Variants in HLCS observed in about 807,000 individuals in gnomAD.
HLCS encodes holocarboxylase synthetase, also known as biotin--protein ligase.
Under a neutral mutation model 75.0 loss-of-function variants are expected in HLCS, and 53 were observed. That is an observed-to-expected ratio of 0.71 (90% CI 0.57 to 0.89). The LOEUF (loss-of-function observed/expected upper bound fraction) is 0.89, where lower values mean the gene tolerates loss of function less well. HLCS is among the 40% of genes least tolerant of loss of function. HLCS has a pLI of 0.00. For missense variants in HLCS, 966 were observed against 1,074.0 expected (o/e 0.90, Z 1.41); for synonymous variants, 431 against 428.6 (o/e 1.01, Z -0.07).
intron 6 of HLCS, among the ~76,000 whole-genome samples, chr21:36,844,638 G>A (rs892203230): frequency 4.6e-5 from 7 of 151,686 alleles, no homozygotes; most frequent in Middle Eastern, 6.5e-3. Flanking sequence ...TGTCACTCAC[G>A]GTCAGTGATT....
chr21:36,989,941 G>T (rs888239346), intron 1 of HLCS, among the ~76,000 whole-genome samples: 3 of 152,050 alleles, frequency 2.0e-5, no homozygotes, highest in South Asian at 2.1e-4. Flanking sequence ...GCTGCCCTGG[G>T]CCGCGAGGTC....
intron 6 of HLCS, among the ~76,000 whole-genome samples, chr21:36,812,154 T>A (rs1382551119): frequency 6.6e-6 from 1 of 152,114 alleles, no homozygotes; most frequent in Non-Finnish European, 1.5e-5. Context: ...GCGAGAGGCT[T>A]GAGGTGTGTG....
intron 1 of HLCS, 49 bp from the exon 2 acceptor site, chr21:36,962,219 C>G: frequency 8.1e-7 from 1 of 1,239,978 alleles, no homozygotes; most frequent in Non-Finnish European, 1.1e-6. Flanking sequence ...CATACCACAA[C>G]TGCCATAAAT....
intron 5 of HLCS, among the ~76,000 whole-genome samples, chr21:36,903,262 A>C (rs754521475): frequency 6.6e-6 from 1 of 152,152 alleles, no homozygotes; most frequent in Non-Finnish European, 1.5e-5. Flanking sequence ...TATATACTCT[A>C]TTGGAAGAAG....
In HLCS at chr21:36,983,674, A is replaced by G. The variant is rs182233816; in HGVS notation, c.-393+6484T>C. On this transcript the variant is annotated intron_variant, in intron 1 of 11. Coordinates refer to the HLCS transcript ENST00000336648. ...AACATGGTGAAACCCAGTCTCTACT[A>G]AAAATACAAAAAATTAGCCCGGCGT... Among the ~76,000 whole-genome samples, 178 of 151,644 alleles carry G rather than the reference A, an allele frequency of 1.2e-3. 2 individuals are homozygous for G. Among genetic ancestry groups the G allele is most frequent in the African/African-American group, 4.0e-3 (167 of 41,406 alleles).
chr21:36,963,228 A>T (rs1362494585), intron 1 of HLCS, among the ~76,000 whole-genome samples: 1 of 152,218 alleles, frequency 6.6e-6, no homozygotes, highest in Non-Finnish European at 1.5e-5. Context: ...CAGCAAATTG[A>T]TTTGAAAAGG....
intron 10 of HLCS, among the ~76,000 whole-genome samples, chr21:36,755,203 C>T (rs1300659178): frequency 6.6e-6 from 1 of 151,942 alleles, no homozygotes; most frequent in Non-Finnish European, 1.5e-5. Flanking sequence ...TCAAGACCAG[C>T]CTGGGCAATA....
At chr21:36,856,190 C>T (rs1381450118) in intron 6 of HLCS, among the ~76,000 whole-genome samples, 1 of 151,984 alleles carries the variant, frequency 6.6e-6, no homozygotes, top group Non-Finnish European at 1.5e-5. Context: ...TAAAAACCAC[C>T]GAATTAATTG....
At chr21:36,960,009 C>T (rs973330912) in intron 2 of HLCS, among the ~76,000 whole-genome samples, 17 of 152,226 alleles carry the variant, frequency 1.1e-4, no homozygotes, top group African/African-American at 3.6e-4. Context: ...TGGGGCTCTG[C>T]GGTTCCCAGC....
chr21:36,787,876 G>A (rs1226591595), intron 6 of HLCS, among the ~76,000 whole-genome samples: 1 of 152,144 alleles, frequency 6.6e-6, no homozygotes, highest in Non-Finnish European at 1.5e-5. Context: ...TGATAAAATA[G>A]CCAGGTCACC....
At chr21:36,898,693 T>C (rs534538405) in intron 5 of HLCS, among the ~76,000 whole-genome samples, 20 of 152,132 alleles carry the variant, frequency 1.3e-4, no homozygotes, top group Admixed American at 1.1e-3. Flanking sequence ...AAAGGACAAT[T>C]AGGAAATCTG....
At chr21:36,890,456 G>A (rs1388779838) in intron 6 of HLCS, among the ~76,000 whole-genome samples, 1 of 152,110 alleles carries the variant, frequency 6.6e-6, no homozygotes, top group Non-Finnish European at 1.5e-5. Flanking sequence ...TTTTACTCTG[G>A]GGGTGGAGGG....
intron 4 of HLCS, among the ~76,000 whole-genome samples, chr21:36,935,328 T>A (rs1394441997): frequency 1.3e-5 from 2 of 152,238 alleles, no homozygotes; most frequent in Non-Finnish European, 2.9e-5. Context: ...CCAAATTCCT[T>A]AATTTTAAGC....
chr21:36,923,472 G>A (rs115031138), intron 5 of HLCS, among the ~76,000 whole-genome samples: 2,377 of 152,226 alleles, frequency 0.016, 57 homozygotes, highest in African/African-American at 0.053. Flanking sequence ...ATGTTCCCTC[G>A]GCCTCAGAGA....
chr21:36,903,426 G>A (rs1390995219), intron 5 of HLCS, among the ~76,000 whole-genome samples: 7 of 152,160 alleles, frequency 4.6e-5, no homozygotes, highest in African/African-American at 1.7e-4. Context: ...AGGGCAGCTG[G>A]ATGTCACCAG....
intron 6 of HLCS, among the ~76,000 whole-genome samples, chr21:36,887,275 T>C (rs2064511806): frequency 1.3e-5 from 2 of 152,200 alleles, no homozygotes; most frequent in East Asian, 3.8e-4. Flanking sequence ...TGCCACTTTG[T>C]TACTGCACCC....
At chr21:36,796,292 T>A (rs1465352915) in intron 6 of HLCS, among the ~76,000 whole-genome samples, 6 of 152,166 alleles carry the variant, frequency 3.9e-5, no homozygotes, top group Non-Finnish European at 5.9e-5. Context: ...TGGTTTAACA[T>A]CAGAAAAATG....
intron 6 of HLCS, among the ~76,000 whole-genome samples, chr21:36,855,564 G>T (rs1164356803): frequency 3.5e-5 from 5 of 144,858 alleles, no homozygotes; most frequent in South Asian, 2.2e-4. Context: ...AAAAAAAAAG[G>T]TTAAAGGTGG....
At chr21:36,831,479 A>G (rs2062208083) in intron 6 of HLCS, among the ~76,000 whole-genome samples, 1 of 152,190 alleles carries the variant, frequency 6.6e-6, no homozygotes, top group Non-Finnish European at 1.5e-5. Flanking sequence ...CAGGAGTTCG[A>G]GACCAGCCTG....
Sources: allele counts gnomAD v4.1 joint callset (sites outside exome capture counted in the v4.1 genomes callset), GRCh38; gene constraint gnomAD v4.1.1; transcripts MANE v1.5; gene names NCBI Gene and HGNC (gene_info 2026-07-23, HGNC 2026-07-21).